CNTNAP2: variants seen among roughly 807,000 people sequenced by gnomAD.
CNTNAP2 encodes the protein contactin associated protein 2, also known as contactin-associated protein-like 2.
CNTNAP2 carries 98 observed loss-of-function variants against 155.2 expected under a neutral mutation model. The ratio of observed to expected loss-of-function variants is 0.63; its 90% CI spans 0.54 to 0.75. CNTNAP2 has a LOEUF of 0.75. CNTNAP2 is among the 30% of genes least tolerant of loss of function. The pLI is 0.00. For missense variants in CNTNAP2, 1,727 were observed against 1,688.1 expected (o/e 1.02, Z -0.40); for synonymous variants, 651 against 631.2 (o/e 1.03, Z -0.47).
At chr7:147,332,819 G>A (rs1282915281) in intron 9 of CNTNAP2, among the ~76,000 whole-genome samples, 1 of 152,102 alleles carries the variant, frequency 6.6e-6, no homozygotes, top group Non-Finnish European at 1.5e-5. Flanking sequence ...CCGAAATCAT[G>A]CCACTGCGCT....
At chr7:146,903,028 A>G (rs1796035433) in intron 3 of CNTNAP2, among the ~76,000 whole-genome samples, 1 of 152,210 alleles carries the variant, frequency 6.6e-6, no homozygotes, top group African/African-American at 2.4e-5. Context: ...CTCAAATGAC[A>G]TATCTACCGA....
chr7:146,882,294 C>T (rs1001950819), intron 3 of CNTNAP2, among the ~76,000 whole-genome samples: 11 of 151,920 alleles, frequency 7.2e-5, no homozygotes, highest in African/African-American at 2.7e-4. Flanking sequence ...ATCTTTTTGG[C>T]AGAATGATTT....
intron 8 of CNTNAP2, among the ~76,000 whole-genome samples, chr7:147,219,886 C>T (rs1387195801): frequency 6.6e-6 from 1 of 151,846 alleles, no homozygotes; most frequent in Non-Finnish European, 1.5e-5. Flanking sequence ...CGCCATGCTT[C>T]TGCCTCAGCC....
intron 3 of CNTNAP2, among the ~76,000 whole-genome samples, chr7:146,850,564 T>C (rs533405494): frequency 6.6e-5 from 10 of 152,320 alleles, no homozygotes; most frequent in African/African-American, 2.4e-4. Context: ...TTATTATTTT[T>C]ATGATTAAGC....
intron 8 of CNTNAP2, among the ~76,000 whole-genome samples, chr7:147,196,221 G>A (rs1169096135): frequency 6.6e-6 from 1 of 152,146 alleles, no homozygotes; most frequent in Non-Finnish European, 1.5e-5. Context: ...ATCACCTGCT[G>A]TGGTGCTTTG....
intron 1 of CNTNAP2, among the ~76,000 whole-genome samples, chr7:146,157,680 C>G (rs1466599887): frequency 6.6e-6 from 1 of 152,172 alleles, no homozygotes; most frequent in African/African-American, 2.4e-5. Context: ...GGCAGCGAGA[C>G]TGGGGGAGGG....
intron 1 of CNTNAP2, among the ~76,000 whole-genome samples, chr7:146,649,499 G>T (rs192078345): frequency 6.6e-6 from 1 of 152,256 alleles, no homozygotes; most frequent in Non-Finnish European, 1.5e-5. Flanking sequence ...ATGAAAACAT[G>T]AGTTTTTCAC....
chr7:146,515,274 C>T (rs1036722373), intron 1 of CNTNAP2, among the ~76,000 whole-genome samples: 8 of 152,178 alleles, frequency 5.3e-5, no homozygotes, highest in East Asian at 1.9e-4. Context: ...AATTAACTTA[C>T]TGCAGAGGAA....
At chr7:147,548,226 T>C (rs1460403237) in intron 11 of CNTNAP2, among the ~76,000 whole-genome samples, 2 of 152,212 alleles carry the variant, frequency 1.3e-5, no homozygotes, top group Non-Finnish European at 2.9e-5. Flanking sequence ...CTACCAACAG[T>C]GTGAAAGTGT....
chr7:146,996,124 T>C (rs998734922), intron 3 of CNTNAP2, among the ~76,000 whole-genome samples: 12 of 152,144 alleles, frequency 7.9e-5, no homozygotes, highest in African/African-American at 2.9e-4. Flanking sequence ...TCTGCATATG[T>C]ATATCCAATT....
intron 18 of CNTNAP2, among the ~76,000 whole-genome samples, chr7:148,209,618 CATT>C (rs1347511249): frequency 6.6e-6 from 1 of 152,196 alleles, no homozygotes; most frequent in African/African-American, 2.4e-5. Context: ...TCCAAACCAT[CATT>C]ATATTTATTC....
At chr7:146,444,660 TC>T (rs1796375858) in intron 1 of CNTNAP2, among the ~76,000 whole-genome samples, 1 of 146,262 alleles carries the variant, frequency 6.8e-6, no homozygotes, top group African/African-American at 2.7e-5. Context: ...ATCCTCTCTC[TC>T]TTTTTTTTTT....
At position 148,224,702 on chromosome 7, in the gene CNTNAP2, T is replaced by C. The variant is rs149993594; in HGVS notation, c.3248-4944T>C. On this transcript the variant is annotated intron_variant, in intron 19 of 23. Transcript: ENST00000361727. ...TCTCACGCTGCTATGAAGAAATACCTGAGACTGGGCAATTTATAAACGAAA... is the reference window on the plus strand; with the variant it reads ...TCTCACGCTGCTATGAAGAAATACCCGAGACTGGGCAATTTATAAACGAAA... 4.9e-3 allele frequency among the ~76,000 whole-genome samples: 741 copies of C among 152,304 alleles called. 6 individuals carry two copies. The highest frequency in any genetic ancestry group is 0.016 in the African/African-American group (681 of 41,558).
intron 1 of CNTNAP2, among the ~76,000 whole-genome samples, chr7:146,457,907 A>G (rs1461606389): frequency 6.6e-6 from 1 of 152,194 alleles, no homozygotes; most frequent in African/African-American, 2.4e-5. Context: ...GCATTAATAT[A>G]TAATATGATC....
intron 4 of CNTNAP2, among the ~76,000 whole-genome samples, chr7:147,085,444 G>A (rs1800255416): frequency 6.6e-6 from 1 of 152,074 alleles, no homozygotes; most frequent in African/African-American, 2.4e-5. Flanking sequence ...ACATGCAAGG[G>A]ATCTAGGATG....
chr7:146,390,038 G>A (rs10249426), intron 1 of CNTNAP2, among the ~76,000 whole-genome samples: 82,684 of 151,636 alleles, frequency 0.55, 26,109 homozygotes, highest in African/African-American at 0.88. Flanking sequence ...CTTTCATATT[G>A]TATTCTGGTC....
At chr7:148,184,270 A>G (rs1795084178) in intron 18 of CNTNAP2, among the ~76,000 whole-genome samples, 1 of 152,198 alleles carries the variant, frequency 6.6e-6, no homozygotes, top group African/African-American at 2.4e-5. Flanking sequence ...ATCTCTATAA[A>G]AAAAATAAAT....
chr7:146,954,975 C>T (rs1797402992), intron 3 of CNTNAP2, among the ~76,000 whole-genome samples: 1 of 151,858 alleles, frequency 6.6e-6, no homozygotes. Context: ...TAGATGATAA[C>T]CTTTTGCAGT....
chr7:147,706,511 G>A (rs1796319168), intron 13 of CNTNAP2, among the ~76,000 whole-genome samples: 1 of 151,964 alleles, frequency 6.6e-6, no homozygotes, highest in Non-Finnish European at 1.5e-5. Context: ...TCTGATAGGG[G>A]TTCCCTTATA....
Sources: allele counts gnomAD v4.1 joint callset (sites outside exome capture counted in the v4.1 genomes callset), GRCh38; gene constraint gnomAD v4.1.1; transcripts MANE v1.5; gene names NCBI Gene and HGNC (gene_info 2026-07-23, HGNC 2026-07-21).